PIWIL1: variants seen among roughly 807,000 people sequenced by gnomAD.
PIWIL1 encodes piwi-like protein 1.
A neutral mutation model predicts 114.4 loss-of-function variants in PIWIL1; 73 were observed. The observed-to-expected ratio is 0.64, with a 90% CI of 0.53 to 0.78. The LOEUF is 0.78. Ranked by LOEUF, PIWIL1 falls within the 30% of genes least tolerant of loss-of-function variation. The probability of loss-of-function intolerance (pLI) is 0.00; values close to 1 mark genes in which losing one functional copy is unlikely to be tolerated. For synonymous variants in PIWIL1, 375 were observed against 369.0 expected, an observed-to-expected ratio of 1.02 and a Z score of -0.19; for missense variants, 723 against 1,063.1, an observed-to-expected ratio of 0.68 and a Z score of 4.45.
intron 18 of PIWIL1, among the ~76,000 whole-genome samples, chr12:130,363,804 G>T (rs1051317136): frequency 2.0e-5 from 3 of 151,892 alleles, no homozygotes; most frequent in African/African-American, 7.3e-5. Context: ...TTTTAGTAGA[G>T]ACGGGGTTTC....
Position 130,349,981 on chromosome 12 carries a change from G to A in PIWIL1, c.1044+14G>A, listed in dbSNP as rs943127934. ...TACTACAGGAAGGTAAGATGCCAGT[G>A]GTTAGATCTCAGGAGAAATCCAAAA... On this transcript the variant is annotated intron_variant, in intron 9 of 20. Coordinates refer to ENST00000245255, the MANE Select transcript of PIWIL1 (RefSeq NM_004764.5). 4.8e-6 allele frequency: 7 copies of A among 1,445,462 alleles called. No individual in the cohort carries two copies. Among genetic ancestry groups the A allele is most frequent in the Non-Finnish European group, 6.7e-6 (7 of 1,038,992 alleles). The allele number at this position is 1,445,462 out of a possible 1,614,324, so 89.5% of individuals were successfully genotyped here.
chr12:130,369,844 A>G, intron 19 of PIWIL1, among the ~76,000 whole-genome samples: 1 of 151,942 alleles, frequency 6.6e-6, no homozygotes, highest in East Asian at 1.9e-4. Flanking sequence ...TTGTCTGTTC[A>G]CTCTGATGAT....
At chr12:130,368,769 T>C (rs926042375) in intron 19 of PIWIL1, among the ~76,000 whole-genome samples, 1 of 152,152 alleles carries the variant, frequency 6.6e-6, no homozygotes, top group Non-Finnish European at 1.5e-5. Flanking sequence ...TTAAACAAAT[T>C]GGGTAAAATC....
chr12:130,354,968 C>G lies in PIWIL1; in HGVS notation c.1252C>G (p.Gln418Glu). The stretch of plus-strand genomic sequence containing the variant: ...TACAAGACTAACTCCAGAGCAAAGG[C>G]AGCGTGAAGTGGGACGACTCATTGA... ...VHTRLTPEQR[Q>E]REVGRLIDYI... Residue 418 changes from glutamine to glutamate, a missense_variant, in exon 11 of 21, where the codon CAG becomes GAG. By Grantham distance (29) the Gln-to-Glu change is conservative. This residue lies in a region of PIWIL1 where 298 missense variants were observed against 420.8 expected (regional missense o/e 0.71). Coordinates refer to ENST00000245255, the MANE Select transcript of PIWIL1 (RefSeq NM_004764.5). The G allele has an allele frequency of 6.2e-7, 1 of 1,612,774 alleles. No individual in the cohort carries two copies. Among genetic ancestry groups the G allele is most frequent in the Non-Finnish European group, 8.5e-7 (1 of 1,178,790 alleles).
the PIWIL1 span, chr12:130,397,136 A>ATCAGAGCTTG: frequency 9.2e-6 from 3 of 325,986 alleles, no homozygotes; most frequent in Admixed American, 4.9e-5. Flanking sequence ...CACCTCCCAA[A>ATCAGAGCTTG]TCAGAGCTTG....
chr12:130,376,937 C>T (rs543508687), downstream of PIWIL1, among the ~76,000 whole-genome samples: 9 of 152,340 alleles, frequency 5.9e-5, no homozygotes, highest in East Asian at 1.7e-3. Flanking sequence ...GGGCCTCTGC[C>T]TGGTTTCCTC....
At chr12:130,378,628 T>C in the PIWIL1 span, among the ~76,000 whole-genome samples, 1 of 152,248 alleles carries the variant, frequency 6.6e-6, no homozygotes, top group South Asian at 2.1e-4. Context: ...TCACCAGTAT[T>C]TGATGATGCC....
chr12:130,394,048 C>T, the PIWIL1 span, among the ~76,000 whole-genome samples: 16 of 152,118 alleles, frequency 1.1e-4, no homozygotes, highest in African/African-American at 3.6e-4. Flanking sequence ...TAGAGAAGGC[C>T]CCTACCATGC....
At chr12:130,407,670 GAGGGA>G in the PIWIL1 span, 2 of 1,372,612 alleles carry the variant, frequency 1.5e-6, no homozygotes, top group Non-Finnish European at 2.1e-6. Flanking sequence ...GGTGTACCAC[GAGGGA>G]AGGGAAGGGT....
At chr12:130,393,631 A>T in the PIWIL1 span, among the ~76,000 whole-genome samples, 1 of 145,598 alleles carries the variant, frequency 6.9e-6, no homozygotes, top group Non-Finnish European at 1.5e-5. Context: ...ATGAATAGCT[A>T]TGATTTCACT....
At chr12:130,384,547 C>T in the PIWIL1 span, among the ~76,000 whole-genome samples, 7 of 152,184 alleles carry the variant, frequency 4.6e-5, no homozygotes, top group African/African-American at 1.4e-4. Flanking sequence ...TAATGACATA[C>T]GTTGAATGGC....
At position 130,347,034 on chromosome 12, in the gene PIWIL1, T is replaced by C. The variant is rs2073088633; in HGVS notation, c.625T>C (p.Leu209=). The C allele has an allele frequency of 1.2e-6, 2 of 1,613,326 alleles. No homozygotes were observed. Among genetic ancestry groups the C allele is most frequent in the South Asian group, 2.2e-5 (2 of 90,934 alleles). The part of the protein sequence containing the change: ...NELPPTSPTC[L]QFYNIIFRRL... ...ACTTCCACCTACATCACCAACTTGTTTGCAGTTCTATAATATTATTTTCAG... is the reference window on the plus strand; with the variant it reads ...ACTTCCACCTACATCACCAACTTGTCTGCAGTTCTATAATATTATTTTCAG... Residue 209 remains leucine (L), a synonymous_variant, in exon 6 of 21, where the codon TTG becomes CTG. Coordinates refer to ENST00000245255, the MANE Select transcript of PIWIL1 (RefSeq NM_004764.5).
the PIWIL1 span, chr12:130,407,772 A>G: frequency 6.2e-7 from 1 of 1,614,168 alleles, no homozygotes. Context: ...GTAGTCATAC[A>G]GGGCCACCAT....
Position 130,371,536 on chromosome 12 carries a change from G to C in PIWIL1, c.2524G>C (p.Val842Leu), listed in dbSNP as rs779383303. 2 of 1,614,110 alleles carry C rather than the reference G, an allele frequency of 1.2e-6. No homozygotes were observed. Among genetic ancestry groups the C allele is most frequent in the Admixed American group, 1.7e-5 (1 of 60,018 alleles). Residue 842 changes from valine to leucine, a missense_variant, in exon 21 of 21, where the codon GTT becomes CTT. Physicochemically the swap from Val to Leu is conservative, Grantham distance 32. Around this residue, in one of 8 missense-constraint regions of PIWIL1, gnomAD observed 106 missense variants for 182.8 expected, o/e 0.58. Coordinates refer to ENST00000245255, the MANE Select transcript of PIWIL1 (RefSeq NM_004764.5). ...CQYAHKLAFL[V>L]GQSIHREPNL... ...GTACGCCCACAAGCTGGCTTTTCTTGTTGGCCAGAGTATTCACAGAGAGCC... is the reference window on the plus strand; with the variant it reads ...GTACGCCCACAAGCTGGCTTTTCTTCTTGGCCAGAGTATTCACAGAGAGCC...
At chr12:130,340,737 C>T (rs1019134260) in intron 1 of PIWIL1, among the ~76,000 whole-genome samples, 2 of 151,848 alleles carry the variant, frequency 1.3e-5, no homozygotes, top group Admixed American at 1.3e-4. Flanking sequence ...CTTTCATGCG[C>T]CAGTATGCCC....
chr12:130,414,476 A>C, the PIWIL1 span: 2 of 600,000 alleles, frequency 3.3e-6, no homozygotes, highest in Non-Finnish European at 2.8e-6. Flanking sequence ...GGTCAGATGA[A>C]TTGGAGAAGC....
the PIWIL1 span, among the ~76,000 whole-genome samples, chr12:130,423,656 CAAAAAAAA>C: frequency 2.0e-5 from 1 of 50,130 alleles, no homozygotes; most frequent in African/African-American, 8.0e-5. Context: ...AAACAATATG[CAAAAAAAA>C]AAAAAAAAAA....
At chr12:130,409,775 T>C in the PIWIL1 span, among the ~76,000 whole-genome samples, 1 of 152,144 alleles carries the variant, frequency 6.6e-6, no homozygotes, top group African/African-American at 2.4e-5. Flanking sequence ...GCCTTCGTTC[T>C]GTTTCTGTCA....
At chr12:130,351,992 C>T (rs142464721) in intron 9 of PIWIL1, among the ~76,000 whole-genome samples, 1 of 152,240 alleles carries the variant, frequency 6.6e-6, no homozygotes, top group East Asian at 1.9e-4. Context: ...GCGTGTCCCC[C>T]ACTGTGCCTT....
Sources: allele counts gnomAD v4.1 joint callset (sites outside exome capture counted in the v4.1 genomes callset), GRCh38; gene constraint gnomAD v4.1.1; regional missense constraint gnomAD v4.1.1; transcripts MANE v1.5; gene names NCBI Gene and HGNC (gene_info 2026-07-23, HGNC 2026-07-21).